BCAS3: variants seen among roughly 807,000 people sequenced by gnomAD.
BCAS3 encodes the protein BCAS3 microtubule associated cell migration factor, also known as BCAS4/BCAS3 fusion.
A neutral mutation model predicts 116.1 loss-of-function variants in BCAS3; 53 were observed. The ratio of observed to expected loss-of-function variants is 0.46; its 90% CI spans 0.37 to 0.57. The LOEUF (loss-of-function observed/expected upper bound fraction) is 0.57. Among genes scored for constraint, BCAS3 ranks in the 20% least tolerant of loss-of-function variants. The probability of loss-of-function intolerance (pLI) is 0.00; values close to 1 mark genes in which losing one functional copy is unlikely to be tolerated. For missense variants in BCAS3, 917 were observed against 1,165.4 expected, an observed-to-expected ratio of 0.79 and a Z score of 3.10; for synonymous variants, 391 against 408.2, an observed-to-expected ratio of 0.96 and a Z score of 0.51.
intron 5 of BCAS3, among the ~76,000 whole-genome samples, chr17:60,737,257 A>G (rs578101879): frequency 3.9e-5 from 6 of 152,022 alleles, no homozygotes; most frequent in Admixed American, 3.3e-4. Flanking sequence ...TTTCATTTCT[A>G]ATATTAGTAG....
intron 22 of BCAS3, among the ~76,000 whole-genome samples, chr17:61,264,698 A>G (rs1305761180): frequency 2.0e-5 from 3 of 152,182 alleles, no homozygotes; most frequent in South Asian, 4.1e-4. Flanking sequence ...GTGAGCCACC[A>G]TACCCAGCCT....
At chr17:60,749,958 G>T (rs2042311919) in intron 6 of BCAS3, among the ~76,000 whole-genome samples, 1 of 152,188 alleles carries the variant, frequency 6.6e-6, no homozygotes, top group African/African-American at 2.4e-5. Flanking sequence ...ATGAGGTCAG[G>T]AGTTCGAGAC....
chr17:60,778,986 CA>C, intron 6 of BCAS3, among the ~76,000 whole-genome samples: 1 of 152,248 alleles, frequency 6.6e-6, no homozygotes. Context: ...AACATCTAAA[CA>C]ATCTTTTTTT....
intron 22 of BCAS3, among the ~76,000 whole-genome samples, chr17:61,109,219 G>T (rs1480510045): frequency 6.6e-6 from 1 of 150,590 alleles, no homozygotes; most frequent in Non-Finnish European, 1.5e-5. Context: ...ATAGTCCCCA[G>T]TTCCATCCAG....
In BCAS3 at chr17:61,156,140, G is replaced by A. The variant is rs965861973; in HGVS notation, c.2425+71576G>A. On this transcript the variant is annotated intron_variant, in intron 22 of 23. Transcript: ENST00000407086. The surrounding 1 kb of genome is among the most constrained non-coding windows in gnomAD (Gnocchi z 4.7). ...GGTATGCACCACAAACAAACGCAGA[G>A]AGACAGAGAAAGACAGTCAGCCAGA... Among the ~76,000 whole-genome samples, 2 of 149,642 alleles carry A rather than the reference G, an allele frequency of 1.3e-5. No homozygotes were observed. The highest frequency in any genetic ancestry group is 4.9e-5 in the African/African-American group (2 of 40,552).
At chr17:61,044,221 G>T (rs1191541851) in intron 19 of BCAS3, among the ~76,000 whole-genome samples, 2 of 151,780 alleles carry the variant, frequency 1.3e-5, no homozygotes, top group African/African-American at 4.8e-5. Flanking sequence ...ACCAAGGCCG[G>T]CAGATCACGA....
At chr17:60,998,181 C>CT (rs376226030) in intron 15 of BCAS3, among the ~76,000 whole-genome samples, 138 of 152,242 alleles carry the variant, frequency 9.1e-4, no homozygotes, top group African/African-American at 3.2e-3. Flanking sequence ...CGATTTTATT[C>CT]TTTTTTTATG....
chr17:61,383,996 G>A (rs2059726549), intron 23 of BCAS3: 1 of 152,346 alleles, frequency 6.6e-6, no homozygotes, highest in Non-Finnish European at 1.5e-5. Flanking sequence ...GGCAGGTCAA[G>A]GCCAGCTGCC....
Position 61,013,734 on chromosome 17 carries a change from A to G in BCAS3, c.1487-2017A>G, listed in dbSNP as rs1275617626. ...GCATGAATTTCTTATCTTTCCCCAT[A>G]TTTTACAAAAGAGACATTTATCAAA... On this transcript the variant is annotated intron_variant, in intron 15 of 23. Transcript: ENST00000407086. This position sits in a 1 kb window ranked among gnomAD's most constrained non-coding sequence, Gnocchi z 4.4. Among the ~76,000 whole-genome samples, 2 of 152,132 alleles carry G rather than the reference A, an allele frequency of 1.3e-5. No individual in the cohort carries two copies. The highest frequency in any genetic ancestry group is 4.8e-5 in the African/African-American group (2 of 41,442).
At chr17:60,946,104 C>T (rs1405691919) in intron 13 of BCAS3, among the ~76,000 whole-genome samples, 2 of 152,018 alleles carry the variant, frequency 1.3e-5, no homozygotes, top group Non-Finnish European at 2.9e-5. Flanking sequence ...TGGGAGACAG[C>T]GAGACTCCAT....
chr17:61,374,627 C>T (rs576805982), intron 23 of BCAS3, among the ~76,000 whole-genome samples: 12 of 152,178 alleles, frequency 7.9e-5, no homozygotes, highest in Non-Finnish European at 1.6e-4. Flanking sequence ...TCCTGCCTGC[C>T]GTCTCTTTAA....
chr17:61,369,097 A>AAC (rs1183561711), intron 23 of BCAS3, among the ~76,000 whole-genome samples: 2 of 152,118 alleles, frequency 1.3e-5, no homozygotes, highest in African/African-American at 4.8e-5. Flanking sequence ...CACACACGCA[A>AAC]ACACACACAC....
At chr17:60,713,324 T>C (rs916628278) in intron 5 of BCAS3, among the ~76,000 whole-genome samples, 4 of 152,238 alleles carry the variant, frequency 2.6e-5, no homozygotes, top group African/African-American at 9.6e-5. Flanking sequence ...ACATTTTACT[T>C]TGTTAGCCAT....
intron 22 of BCAS3, among the ~76,000 whole-genome samples, chr17:61,240,522 C>T (rs895491247): frequency 1.3e-5 from 2 of 152,094 alleles, no homozygotes; most frequent in African/African-American, 2.4e-5. Context: ...GGCGTGGTGG[C>T]GCACGCCTGT....
At chr17:60,725,628 G>A (rs899202173) in intron 5 of BCAS3, among the ~76,000 whole-genome samples, 11 of 152,136 alleles carry the variant, frequency 7.2e-5, no homozygotes, top group Non-Finnish European at 1.0e-4. Context: ...ATTGGGGATT[G>A]CTGCTGGCAT....
Position 61,082,631 on chromosome 17 carries a change from G to T in BCAS3, c.2328-1836G>T, listed in dbSNP as rs2072720076. 6.6e-6 allele frequency among the ~76,000 whole-genome samples: 1 copy of T among 152,132 alleles called. No individual in the cohort carries two copies. Among genetic ancestry groups the T allele is most frequent in the African/African-American group, 2.4e-5 (1 of 41,422 alleles). On this transcript the variant is annotated intron_variant, in intron 21 of 23. Coordinates refer to ENST00000407086, the MANE Select transcript of BCAS3 (RefSeq NM_017679.5). The surrounding 1 kb of genome is among the most constrained non-coding windows in gnomAD (Gnocchi z 5.1). ...TGAATGGACTGACCATATCTAAGAG[G>T]CTAGCTTTTTGTTGCTCTCAAGAAC...
intron 6 of BCAS3, among the ~76,000 whole-genome samples, chr17:60,806,177 C>T (rs1005515081): frequency 2.0e-5 from 3 of 151,858 alleles, no homozygotes; most frequent in Admixed American, 6.6e-5. Context: ...TGCCCGGCTT[C>T]GGCCTAAATT....
At position 60,967,886 on chromosome 17, in the gene BCAS3, A is replaced by C. The variant is rs1424021104; in HGVS notation, c.1221+20534A>C. On this transcript the variant is annotated intron_variant, in intron 14 of 23. Transcript: ENST00000407086. The surrounding 1 kb of genome is among the most constrained non-coding windows in gnomAD (Gnocchi z 4.7). ...TATGTTTCTCAGTTCCAAGATTTCTATATTTTTTCCCAATCTCTTTGTTAA... is the reference window on the plus strand; with the variant it reads ...TATGTTTCTCAGTTCCAAGATTTCTCTATTTTTTCCCAATCTCTTTGTTAA... 3.3e-5 allele frequency among the ~76,000 whole-genome samples: 5 copies of C among 151,974 alleles called. No homozygotes were observed. The highest frequency in any genetic ancestry group is 1.2e-4 in the African/African-American group (5 of 41,342).
Position 61,368,038 on chromosome 17 carries a change from G to A in BCAS3, c.2426-289G>A, listed in dbSNP as rs73330790. Reference sequence around the variant, plus strand: ...ACCTGGGAAGGGGGTTGCCTTCCCCGTCCCACTTCTTAAGGTGGTCCCTGA... The same window carrying A: ...ACCTGGGAAGGGGGTTGCCTTCCCCATCCCACTTCTTAAGGTGGTCCCTGA... On this transcript the variant is annotated intron_variant, in intron 22 of 23. Coordinates refer to ENST00000407086, the MANE Select transcript of BCAS3 (RefSeq NM_017679.5). This position sits in a 1 kb window ranked among gnomAD's most constrained non-coding sequence, Gnocchi z 6.0. 2,494 of 283,706 alleles carry A rather than the reference G, an allele frequency of 8.8e-3. 56 individuals are homozygous for A. The highest frequency in any genetic ancestry group is 0.05 in the African/African-American group (2,291 of 46,136). 17.6% of individuals were successfully genotyped at this position (283,706 alleles called of 1,614,324 possible). A position where few individuals can be genotyped will look rare whatever the true frequency, so the allele number is the denominator to read the frequency against.
Sources: gnomAD v4.1 joint callset for allele counts (sites outside exome capture counted in the v4.1 genomes callset) on GRCh38, gnomAD v4.1.1 for gene constraint, Gnocchi (gnomAD v3.1) non-coding constraint, MANE v1.5 for transcripts, NCBI Gene and HGNC (gene_info 2026-07-23, HGNC 2026-07-21) for gene names.